SAMD5: variants seen among roughly 807,000 people sequenced by gnomAD.
SAMD5 encodes sterile alpha motif domain containing 5.
In SAMD5, 13 loss-of-function variants were observed where a neutral mutation model predicts 11.3. That is an observed-to-expected ratio of 1.15 (90% confidence interval 0.75 to 1.83). SAMD5 has a LOEUF of 1.83. SAMD5 is among the 40% of genes most tolerant of loss of function. The pLI is 0.00. For missense variants in SAMD5, 255 were observed against 239.1 expected (o/e 1.07, Z -0.44); for synonymous variants, 129 against 111.3 (o/e 1.16, Z -1.00).
chr6:147,757,323 G>C, the SAMD5 span, among the ~76,000 whole-genome samples: 4 of 152,138 alleles, frequency 2.6e-5, no homozygotes, highest in Non-Finnish European at 4.4e-5. Flanking sequence ...GCTGCAAGGG[G>C]TTGACAACAT....
chr6:147,882,667 C>G, the SAMD5 span, among the ~76,000 whole-genome samples: 4 of 152,176 alleles, frequency 2.6e-5, no homozygotes, highest in Non-Finnish European at 5.9e-5. Flanking sequence ...TGTGTTGATA[C>G]GGCATTTGTT....
chr6:147,742,299 A>T (rs537284050), downstream of SAMD5, among the ~76,000 whole-genome samples: 3 of 151,816 alleles, frequency 2.0e-5, no homozygotes, highest in African/African-American at 7.3e-5. Flanking sequence ...TTTCCTTTAC[A>T]TGCAGTGGAA....
Position 147,509,234 on chromosome 6 carries a change from G to C in SAMD5, c.306G>C (p.Pro102=). 7.0e-7 allele frequency: 1 copy of C among 1,437,822 alleles called. No individual in the cohort carries two copies. The highest frequency in any genetic ancestry group is 9.2e-7 in the Non-Finnish European group (1 of 1,089,882). 89.1% of individuals were successfully genotyped at this position (1,437,822 alleles called of 1,614,324 possible). A position where few individuals can be genotyped will look rare whatever the true frequency, so the allele number is the denominator to read the frequency against. Residue 102 remains proline, a synonymous_variant, in exon 1 of 2, where the codon CCG becomes CCC. Coordinates refer to ENST00000367474, the MANE Select transcript of SAMD5 (RefSeq NM_001030060.3). ...TGRRGEPCGG[P]AQGTRGDSRG... Reference sequence around the variant, plus strand: ...GCCGGGGGGAGCCGTGCGGCGGCCCGGCCCAGGGCACCCGCGGGGACTCTC... The same window carrying C: ...GCCGGGGGGAGCCGTGCGGCGGCCCCGCCCAGGGCACCCGCGGGGACTCTC...
the SAMD5 span, among the ~76,000 whole-genome samples, chr6:147,782,527 A>G: frequency 6.6e-6 from 1 of 152,184 alleles, no homozygotes; most frequent in Non-Finnish European, 1.5e-5. Context: ...TCCTATATGG[A>G]GATGTTTATC....
chr6:147,662,107 G>A (rs1009673098), intron 1 of SAMD5, among the ~76,000 whole-genome samples: 4 of 152,186 alleles, frequency 2.6e-5, no homozygotes, highest in African/African-American at 9.7e-5. Flanking sequence ...TATTTGATGG[G>A]GAAGAGACTA....
the SAMD5 span, among the ~76,000 whole-genome samples, chr6:147,745,196 CTGTG>C: frequency 1.3e-5 from 2 of 151,336 alleles, no homozygotes; most frequent in African/African-American, 4.9e-5. Flanking sequence ...CTGTGTGTGC[CTGTG>C]TGTGTGTGAG....
In SAMD5 at chr6:147,558,933, A is replaced by C. The variant is rs1193664838; in HGVS notation, c.460-5461A>C. ...ATGCCCAAGCTCCCTCTTCGTTCTT[A>C]AAATCGCTGTCCTTTCCAACTACCA... On this transcript the variant is annotated intron_variant, in intron 1 of 1. Transcript: ENST00000367474. 2.0e-5 allele frequency among the ~76,000 whole-genome samples: 3 copies of C among 152,194 alleles called. No individual in the cohort carries two copies. The East Asian group carries it at 5.8e-4, about 29-fold the overall frequency.
In SAMD5 at chr6:147,519,337, A is replaced by C. The variant is rs182498336; in HGVS notation, c.459+9950A>C. Among the ~76,000 whole-genome samples the C allele has an allele frequency of 2.0e-5, 3 of 152,342 alleles. No homozygotes were observed. The East Asian group carries it at 5.8e-4, about 29-fold the overall frequency. ...AAGTAATAGTCATGTAATAATACAC[A>C]GTAATTATTATTGTCCTCATTCCTT... On this transcript the variant is annotated intron_variant, in intron 1 of 1. Coordinates refer to ENST00000367474, the MANE Select transcript of SAMD5 (RefSeq NM_001030060.3).
the SAMD5 span, among the ~76,000 whole-genome samples, chr6:147,940,050 C>T: frequency 1.3e-5 from 2 of 151,998 alleles, no homozygotes; most frequent in African/African-American, 4.8e-5. Context: ...AGAACAGCAC[C>T]TGCAAAGCCC....
intron 1 of SAMD5, among the ~76,000 whole-genome samples, chr6:147,735,295 C>CT (rs1791780447): frequency 6.6e-6 from 1 of 152,112 alleles, no homozygotes; most frequent in African/African-American, 2.4e-5. Flanking sequence ...TCAAAGACAG[C>CT]TATTATAATG....
chr6:147,941,248 C>A, the SAMD5 span, among the ~76,000 whole-genome samples: 1 of 150,110 alleles, frequency 6.7e-6, no homozygotes, highest in Non-Finnish European at 1.5e-5. Context: ...GTCTCTAATG[C>A]ATGCCATCTG....
intron 1 of SAMD5, among the ~76,000 whole-genome samples, chr6:147,703,393 T>C (rs2128457972): frequency 6.6e-6 from 1 of 152,244 alleles, no homozygotes; most frequent in East Asian, 1.9e-4. Flanking sequence ...ATTTGAATAG[T>C]TAATCTTAGA....
At chr6:147,904,126 TC>T in the SAMD5 span, among the ~76,000 whole-genome samples, 1 of 152,178 alleles carries the variant, frequency 6.6e-6, no homozygotes, top group Non-Finnish European at 1.5e-5. Context: ...CTGTGGTTCA[TC>T]CTTCTGTGGC....
intron 1 of SAMD5, among the ~76,000 whole-genome samples, chr6:147,536,489 T>G (rs1788511453): frequency 1.3e-5 from 2 of 152,312 alleles, no homozygotes; most frequent in African/African-American, 4.8e-5. Flanking sequence ...ACAAAAGGTT[T>G]AGCAATGTTT....
chr6:147,676,004 T>C (rs995641133), intron 1 of SAMD5: 6 of 152,230 alleles, frequency 3.9e-5, no homozygotes, highest in African/African-American at 1.4e-4. Context: ...AACTGTTTAT[T>C]TTACACTGCA....
chr6:147,726,271 A>G (rs1252381700), intron 1 of SAMD5, among the ~76,000 whole-genome samples: 1 of 152,212 alleles, frequency 6.6e-6, no homozygotes, highest in Non-Finnish European at 1.5e-5. Context: ...GCCTTGGTAA[A>G]TATCACTTAC....
At chr6:147,885,035 AAAG>A in the SAMD5 span, among the ~76,000 whole-genome samples, 7 of 152,326 alleles carry the variant, frequency 4.6e-5, no homozygotes, top group African/African-American at 1.7e-4. Flanking sequence ...CCTTTTAAAA[AAAG>A]TTTTTAAAAT....
chr6:147,680,927 G>A (rs1307677406), intron 1 of SAMD5, among the ~76,000 whole-genome samples: 1 of 152,078 alleles, frequency 6.6e-6, no homozygotes, highest in African/African-American at 2.4e-5. Context: ...TTGCATCTGT[G>A]TTCTTGAATG....
At chr6:147,545,030 T>G (rs960227905) in intron 1 of SAMD5, among the ~76,000 whole-genome samples, 3 of 152,192 alleles carry the variant, frequency 2.0e-5, no homozygotes, top group Non-Finnish European at 4.4e-5. Flanking sequence ...ATGGGGCCAG[T>G]GCAGTAATAA....
Sources: allele counts gnomAD v4.1 joint callset (sites outside exome capture counted in the v4.1 genomes callset), GRCh38; gene constraint gnomAD v4.1.1; transcripts MANE v1.5; gene names NCBI Gene and HGNC (gene_info 2026-07-23, HGNC 2026-07-21).